PPP1R21: variants seen among roughly 807,000 people sequenced by gnomAD.
PPP1R21 encodes the protein KLRAQ motif containing 1.
Under a neutral mutation model 112.8 loss-of-function variants are expected in PPP1R21, and 85 were observed. The ratio of observed to expected loss-of-function variants is 0.75; its 90% confidence interval spans 0.63 to 0.90. The LOEUF (loss-of-function observed/expected upper bound fraction) is 0.90. Ranked by LOEUF, PPP1R21 falls within the 40% of genes least tolerant of loss-of-function variation. PPP1R21 has a pLI of 0.00. For missense variants in PPP1R21, 1,199 were observed against 901.5 expected (o/e 1.33, Z -4.23); for synonymous variants, 381 against 322.3 (o/e 1.18, Z -1.95).
chr2:48,514,780 A>T lies in PPP1R21; in HGVS notation c.*36A>T, dbSNP rs1349131329. 1 of 1,611,302 alleles carries T rather than the reference A, an allele frequency of 6.2e-7. No individual in the cohort carries two copies. The highest frequency in any genetic ancestry group is 1.3e-5 in the African/African-American group (1 of 74,828). Reference sequence around the variant, plus strand: ...GCTGGTTGGCGACTGTTCTTTCCAGACCTGCTCCTGCTGCACAGAGCCGCA... The same window carrying T: ...GCTGGTTGGCGACTGTTCTTTCCAGTCCTGCTCCTGCTGCACAGAGCCGCA... On this transcript the variant is annotated 3_prime_UTR_variant, in exon 22 of 22. Coordinates refer to ENST00000294952, the MANE Select transcript of PPP1R21 (RefSeq NM_001135629.3).
chr2:48,495,752 G>T lies in PPP1R21; in HGVS notation c.1673G>T (p.Arg558Leu). 8 of 1,607,170 alleles carry T rather than the reference G, an allele frequency of 5.0e-6. No homozygotes were observed. Among genetic ancestry groups the T allele is most frequent in the Non-Finnish European group, 6.8e-6 (8 of 1,173,592 alleles). Reference protein sequence around the residue: ...RRILLSSTESREGLAQQVQQS... With the variant: ...RRILLSSTESLEGLAQQVQQS... ...ATCCTTCTCAGCTCTACTGAAAGTC[G>T]AGAAGGCCTTGCACAGCAAGTATGG... The change falls in exon 16 of 22, where the codon CGA becomes CTA. Residue 558 changes from arginine (R) to leucine (L), a missense_variant. Arg to Leu is a moderately radical substitution (Grantham distance 102). Coordinates refer to ENST00000294952, the MANE Select transcript of PPP1R21 (RefSeq NM_001135629.3).
intron 21 of PPP1R21, among the ~76,000 whole-genome samples, chr2:48,511,832 C>T (rs560673444): frequency 3.3e-5 from 5 of 151,926 alleles, no homozygotes; most frequent in African/African-American, 4.8e-5. Context: ...GATTGTGCCA[C>T]GGCACTCCAG....
chr2:48,454,518 A>G, intron 2 of PPP1R21, 77 bp from the exon 3 acceptor site: 1 of 1,532,662 alleles, frequency 6.5e-7, no homozygotes, highest in Admixed American at 1.9e-5. Context: ...TTTTGGTGAA[A>G]TAGAAATAAT....
Position 48,479,964 on chromosome 2 carries a change from T to C in PPP1R21, c.1266T>C (p.Ser422=), listed in dbSNP as rs370669499. 10 of 1,613,342 alleles carry C rather than the reference T, an allele frequency of 6.2e-6. No individual in the cohort carries two copies. Among genetic ancestry groups the C allele is most frequent in the Non-Finnish European group, 7.6e-6 (9 of 1,179,368 alleles). ...PDGLLRTNYS[S]VLTNVGAALH... Reference sequence around the variant, plus strand: ...GACTCCTTCGGACAAACTACAGTTCTGTGTTAACAAATGTTGGTGCTGCTC... The same window carrying C: ...GACTCCTTCGGACAAACTACAGTTCCGTGTTAACAAATGTTGGTGCTGCTC... The change falls in exon 13 of 22, where the codon TCT becomes TCC. Residue 422 remains serine (S), a synonymous_variant. Coordinates refer to ENST00000294952, the MANE Select transcript of PPP1R21 (RefSeq NM_001135629.3).
chr2:48,465,983 G>A (rs77437680), intron 9 of PPP1R21, among the ~76,000 whole-genome samples: 11,292 of 152,258 alleles, frequency 0.074, 598 homozygotes, highest in Non-Finnish European at 0.11. Context: ...CAAGTCATGT[G>A]TTTCGTGGAT....
chr2:48,440,947 G>C lies in PPP1R21; in HGVS notation c.-7G>C. ...GGCGGCCTGGCCTGTACGGGGCGGG[G>C]GAGGCCATGGCCTCGGCTGAGTTGC... On this transcript the variant is annotated 5_prime_UTR_variant, in exon 1 of 22. Transcript: ENST00000294952. The C allele has an allele frequency of 6.2e-7, 1 of 1,604,388 alleles. No individual in the cohort carries two copies. Among genetic ancestry groups the C allele is most frequent in the Non-Finnish European group, 8.5e-7 (1 of 1,172,748 alleles).
chr2:48,470,270 C>T (rs1281401867), intron 9 of PPP1R21, among the ~76,000 whole-genome samples: 1 of 152,034 alleles, frequency 6.6e-6, no homozygotes, highest in Admixed American at 6.6e-5. Flanking sequence ...GTAATCACAG[C>T]ACTTTGGGAG....
chr2:48,450,794 T>C (rs543341232), intron 1 of PPP1R21, among the ~76,000 whole-genome samples: 10 of 152,082 alleles, frequency 6.6e-5, no homozygotes, highest in Admixed American at 3.9e-4. Context: ...TTTTATTTCA[T>C]TGGGCAACTC....
At chr2:48,508,542 C>T (rs529313812) in intron 19 of PPP1R21, among the ~76,000 whole-genome samples, 1 of 152,246 alleles carries the variant, frequency 6.6e-6, no homozygotes, top group East Asian at 1.9e-4. Flanking sequence ...TGTTGGAATG[C>T]AGGAAAGGGG....
At chr2:48,487,517 C>T (rs1329876235) in intron 14 of PPP1R21, among the ~76,000 whole-genome samples, 2 of 152,112 alleles carry the variant, frequency 1.3e-5, no homozygotes, top group African/African-American at 2.4e-5. Context: ...AATCCCAGCA[C>T]TTCGAGAGGC....
intron 15 of PPP1R21, among the ~76,000 whole-genome samples, chr2:48,494,411 TTTTATTTATTTATTTA>T: frequency 6.8e-6 from 1 of 146,900 alleles, no homozygotes; most frequent in South Asian, 2.2e-4. Flanking sequence ...GCCTATTTTA[TTTTATTTATTTATTTA>T]TTTATTTATT....
At chr2:48,507,216 A>G in intron 18 of PPP1R21, 53 bp from the exon 19 acceptor site, 1 of 1,386,198 alleles carries the variant, frequency 7.2e-7, no homozygotes, top group Non-Finnish European at 9.4e-7. Flanking sequence ...TTTTCTAGAA[A>G]TGCTTCATCT....
At chr2:48,443,755 T>A (rs1271736367) in intron 1 of PPP1R21, among the ~76,000 whole-genome samples, 1 of 152,262 alleles carries the variant, frequency 6.6e-6, no homozygotes, top group Non-Finnish European at 1.5e-5. Flanking sequence ...AGATCTATGC[T>A]CTCTCCAGTC....
In PPP1R21 at chr2:48,465,542, T is replaced by C. The variant is rs1213628132; in HGVS notation, c.797T>C (p.Leu266Pro). The C allele has an allele frequency of 5.0e-6, 8 of 1,613,892 alleles. No individual in the cohort carries two copies. The highest frequency in any genetic ancestry group is 5.9e-6 in the Non-Finnish European group (7 of 1,179,950). Residue 266 changes from leucine to proline, a missense_variant, in exon 9 of 22, where the codon CTT (leucine) becomes CCT (proline). Leu to Pro is a moderately conservative substitution (Grantham distance 98). Coordinates refer to ENST00000294952, the MANE Select transcript of PPP1R21 (RefSeq NM_001135629.3). ...AGQALAFVQDLVTALLNFHTY... is the reference protein window; with the variant it reads ...AGQALAFVQDPVTALLNFHTY... ...CAGGCCCTGGCTTTTGTTCAGGATC[T>C]TGTGACGGCTCTTCTAAACTTTCAT... is the stretch of plus-strand genomic sequence containing the variant.
intron 1 of PPP1R21, among the ~76,000 whole-genome samples, chr2:48,443,302 T>C (rs1667111472): frequency 6.6e-6 from 1 of 152,016 alleles, no homozygotes; most frequent in South Asian, 2.1e-4. Flanking sequence ...CCGTTCAGAG[T>C]GAAGGGCTAT....
chr2:48,473,101 TA>T (rs1558464640), intron 11 of PPP1R21, among the ~76,000 whole-genome samples: 1 of 151,136 alleles, frequency 6.6e-6, no homozygotes, highest in Non-Finnish European at 1.5e-5. Context: ...ATTTTATTAT[TA>T]AAAAAATTAA....
chr2:48,486,153 T>C (rs1669287838), intron 13 of PPP1R21, among the ~76,000 whole-genome samples: 1 of 152,078 alleles, frequency 6.6e-6, no homozygotes, highest in Non-Finnish European at 1.5e-5. Flanking sequence ...ATACTTCTCA[T>C]TGCTAGTTAG....
intron 14 of PPP1R21, 41 bp downstream of exon 14, chr2:48,486,799 A>G (rs1669322952): frequency 1.3e-6 from 2 of 1,577,272 alleles, no homozygotes; most frequent in East Asian, 4.5e-5. Flanking sequence ...AAACTCTTAA[A>G]TATGTGCTTT....
At chr2:48,470,764 C>T (rs995667604) in intron 9 of PPP1R21, among the ~76,000 whole-genome samples, 3 of 152,060 alleles carry the variant, frequency 2.0e-5, no homozygotes, top group African/African-American at 7.2e-5. Flanking sequence ...CCTGTTGGTC[C>T]TAGGTTCTAA....
Sources: allele counts gnomAD v4.1 joint callset (sites outside exome capture counted in the v4.1 genomes callset), GRCh38; gene constraint gnomAD v4.1.1; transcripts MANE v1.5; gene names NCBI Gene and HGNC (gene_info 2026-07-23, HGNC 2026-07-21).